Variants in PTER observed in about 807,000 individuals in gnomAD.
PTER encodes the protein phosphotriesterase related, also known as N-acetyltaurine hydrolase.
A neutral mutation model predicts 29.6 loss-of-function variants in PTER; 38 were observed. That is an observed-to-expected ratio of 1.28 (90% CI 0.99 to 1.68). PTER has a LOEUF of 1.68. Ranked by LOEUF, PTER falls within the 40% of genes most tolerant of loss-of-function variation. The probability of loss-of-function intolerance (pLI) is 0.00; values close to 1 mark genes in which losing one functional copy is unlikely to be tolerated. For missense variants in PTER, 482 were observed against 427.8 expected (o/e 1.13, Z -1.12); for synonymous variants, 172 against 154.5 (o/e 1.11, Z -0.84).
intron 3 of PTER, among the ~76,000 whole-genome samples, chr10:16,487,918 G>A (rs1050295214): frequency 6.6e-6 from 1 of 152,072 alleles, no homozygotes; most frequent in African/African-American, 2.4e-5. Flanking sequence ...CTCTCCTTAT[G>A]AGGCTGCAGT....
intron 2 of PTER, among the ~76,000 whole-genome samples, chr10:16,485,025 G>T (rs1017636700): frequency 1.3e-4 from 20 of 152,112 alleles, no homozygotes; most frequent in Admixed American, 1.3e-3. Context: ...AAAGAAAAAA[G>T]AAAATAATAA....
intron 1 of PTER, among the ~76,000 whole-genome samples, chr10:16,464,761 C>T (rs1044767378): frequency 2.0e-5 from 3 of 152,188 alleles, no homozygotes; most frequent in African/African-American, 4.8e-5. Flanking sequence ...TTGTCCACAC[C>T]GATCTCACAG....
chr10:16,453,862 T>C (rs1834298883), intron 1 of PTER, among the ~76,000 whole-genome samples: 1 of 152,182 alleles, frequency 6.6e-6, no homozygotes, highest in Non-Finnish European at 1.5e-5. Context: ...CCATGTAACA[T>C]CTTTCCACAT....
At chr10:16,454,804 ATAC>A (rs1041771469) in intron 1 of PTER, among the ~76,000 whole-genome samples, 15 of 151,968 alleles carry the variant, frequency 9.9e-5, no homozygotes, top group African/African-American at 3.6e-4. Flanking sequence ...AGAACAATAA[ATAC>A]TAATATATAA....
At chr10:16,456,325 T>G (rs886520451) in intron 1 of PTER, among the ~76,000 whole-genome samples, 6 of 152,328 alleles carry the variant, frequency 3.9e-5, no homozygotes, top group Middle Eastern at 3.4e-3. Context: ...GATGATTCTT[T>G]AAGAGTTATG....
At chr10:16,516,171 GCTGTA>G (rs1564417112), downstream of PTER, among the ~76,000 whole-genome samples, 1 of 152,116 alleles carries the variant, frequency 6.6e-6, no homozygotes, top group Non-Finnish European at 1.5e-5. Context: ...ATTGCTTAAC[GCTGTA>G]CTAACAGGCA....
chr10:16,456,325 T>C (rs886520451), intron 1 of PTER, among the ~76,000 whole-genome samples: 1 of 152,210 alleles, frequency 6.6e-6, no homozygotes, highest in Admixed American at 6.5e-5. Flanking sequence ...GATGATTCTT[T>C]AAGAGTTATG....
At chr10:16,508,217 C>A (rs7072182) in intron 4 of PTER, among the ~76,000 whole-genome samples, 2 of 151,630 alleles carry the variant, frequency 1.3e-5, no homozygotes, top group African/African-American at 2.4e-5. Flanking sequence ...TACAGGCACC[C>A]GCCACCACGC....
chr10:16,474,818 C>G (rs918826381), intron 1 of PTER, among the ~76,000 whole-genome samples: 14 of 152,046 alleles, frequency 9.2e-5, no homozygotes, highest in African/African-American at 3.4e-4. Context: ...ACCCAGGAAG[C>G]AGAGGTTGCA....
chr10:16,474,123 A>G (rs1332151650), intron 1 of PTER, among the ~76,000 whole-genome samples: 1 of 152,222 alleles, frequency 6.6e-6, no homozygotes, highest in Non-Finnish European at 1.5e-5. Flanking sequence ...AGGCTGAGGC[A>G]GGAAAGTTGT....
At chr10:16,486,193 C>A (rs1835687588) in intron 2 of PTER, among the ~76,000 whole-genome samples, 159 bp from the exon 3 acceptor site, 1 of 152,138 alleles carries the variant, frequency 6.6e-6, no homozygotes, top group African/African-American at 2.4e-5. Context: ...ATTTGGCCAG[C>A]AAAATGCCTT....
intron 1 of PTER, among the ~76,000 whole-genome samples, chr10:16,457,062 CTT>C (rs995813892): frequency 6.6e-6 from 1 of 152,156 alleles, no homozygotes; most frequent in African/African-American, 2.4e-5. Context: ...TCGGTTATGT[CTT>C]TATCAGCAGC....
intron 2 of PTER, 118 bp downstream of exon 2, chr10:16,484,934 AG>A (rs1835635982): frequency 8.4e-7 from 1 of 1,194,100 alleles, no homozygotes; most frequent in Non-Finnish European, 1.1e-6. Flanking sequence ...TAGCTAGCAA[AG>A]ACATCTGCCA....
intron 1 of PTER, among the ~76,000 whole-genome samples, chr10:16,455,010 C>G (rs1834345098): frequency 6.6e-6 from 1 of 152,004 alleles, no homozygotes; most frequent in Non-Finnish European, 1.5e-5. Flanking sequence ...AGGTGGATCA[C>G]TTAAGCCCAG....
chr10:16,508,467 G>C (rs1394109878), intron 4 of PTER, among the ~76,000 whole-genome samples: 1 of 151,990 alleles, frequency 6.6e-6, no homozygotes, highest in Non-Finnish European at 1.5e-5. Context: ...TGCATCTTTT[G>C]CACACCTGTG....
At chr10:16,437,170 A>G (rs959752370) in intron 1 of PTER, 123 bp downstream of exon 1, 5 of 152,050 alleles carry the variant, frequency 3.3e-5, no homozygotes, top group Non-Finnish European at 7.3e-5. Context: ...GTCCTGCCGG[A>G]AGGAAGGATT....
chr10:16,457,534 TTTC>T (rs1187367403), intron 1 of PTER, among the ~76,000 whole-genome samples: 2 of 152,116 alleles, frequency 1.3e-5, no homozygotes, highest in African/African-American at 4.8e-5. Flanking sequence ...TTATTAAGCA[TTTC>T]TTCTTTAGGA....
chr10:16,474,837 A>G (rs1447088366), intron 1 of PTER, among the ~76,000 whole-genome samples: 1 of 152,162 alleles, frequency 6.6e-6, no homozygotes, highest in Non-Finnish European at 1.5e-5. Context: ...CAGTGAGCCG[A>G]GATCGCACCA....
At chr10:16,506,600 C>G (rs1836577109) in intron 4 of PTER, among the ~76,000 whole-genome samples, 1 of 152,034 alleles carries the variant, frequency 6.6e-6, no homozygotes, top group South Asian at 2.1e-4. Flanking sequence ...ATCTGGGGAA[C>G]AAATAGAAAG....
Sources: gnomAD v4.1 joint callset for allele counts (sites outside exome capture counted in the v4.1 genomes callset) on GRCh38, gnomAD v4.1.1 for gene constraint, MANE v1.5 for transcripts, NCBI Gene and HGNC (gene_info 2026-07-23, HGNC 2026-07-21) for gene names.